TMA16: variants seen among roughly 807,000 people sequenced by gnomAD.
TMA16 encodes translation machinery-associated protein 16.
Under a neutral mutation model 27.1 loss-of-function variants are expected in TMA16, and 26 were observed. The ratio of observed to expected loss-of-function variants is 0.96; its 90% CI spans 0.70 to 1.33. TMA16 has a LOEUF of 1.33. Among genes scored for constraint, TMA16 ranks in the 40% most tolerant of loss-of-function variants. The pLI is 0.00. For missense variants in TMA16, 233 were observed against 241.4 expected, an observed-to-expected ratio of 0.97 and a Z score of 0.23; for synonymous variants, 71 against 81.9, an observed-to-expected ratio of 0.87 and a Z score of 0.72.
At chr4:163,498,789 A>G (rs1429641439) in intron 1 of TMA16, among the ~76,000 whole-genome samples, 1 of 152,132 alleles carries the variant, frequency 6.6e-6, no homozygotes, top group Non-Finnish European at 1.5e-5. Context: ...CCCAGTAGCC[A>G]AGATTACGGA....
intron 1 of TMA16, among the ~76,000 whole-genome samples, chr4:163,498,207 G>A (rs1405976395): frequency 6.6e-6 from 1 of 151,796 alleles, no homozygotes; most frequent in African/African-American, 2.4e-5. Flanking sequence ...CAATACTGCT[G>A]CATTGATTAT....
chr4:163,497,096 C>A (rs975589246), intron 1 of TMA16, among the ~76,000 whole-genome samples: 3 of 152,206 alleles, frequency 2.0e-5, no homozygotes, highest in Non-Finnish European at 2.9e-5. Flanking sequence ...AGTGTGCCAT[C>A]ATCCTCCGTG....
At chr4:163,513,974 G>C (rs762113006) in intron 3 of TMA16, 100 bp from the exon 4 acceptor site, 37 of 844,834 alleles carry the variant, frequency 4.4e-5, no homozygotes, top group Middle Eastern at 3.6e-4. Flanking sequence ...ATAAATTTTG[G>C]TTCTGTTTTA....
At chr4:163,504,234 A>G (rs968393992) in intron 1 of TMA16, among the ~76,000 whole-genome samples, 1 of 152,202 alleles carries the variant, frequency 6.6e-6, no homozygotes, top group African/African-American at 2.4e-5. Flanking sequence ...TTTTTTAATA[A>G]TGATATGTGG....
Position 163,520,119 on chromosome 4 carries a change from CTT to C in TMA16, c.*608_*609del. 3 of 477,902 alleles carry C rather than the reference CTT, an allele frequency of 6.3e-6. No individual in the cohort carries two copies. Among genetic ancestry groups the C allele is most frequent in the East Asian group, 4.0e-5 (1 of 24,996 alleles). 29.6% of individuals were successfully genotyped at this position (477,902 alleles called of 1,614,324 possible). Reference sequence around the variant, plus strand: ...TGTTGATCTCCCACAATTAATTTATCTTTTGACAAAGGGGATAAAGAGTTTCA... The same window carrying C: ...TGTTGATCTCCCACAATTAATTTATCTTGACAAAGGGGATAAAGAGTTTCA... On this transcript the variant is annotated 3_prime_UTR_variant, in exon 7 of 7. Transcript: ENST00000358572.
chr4:163,514,822 G>A (rs536535760), intron 4 of TMA16, among the ~76,000 whole-genome samples: 1 of 152,320 alleles, frequency 6.6e-6, no homozygotes, highest in East Asian at 1.9e-4. Context: ...CTCATAGCCT[G>A]ATAAAGAAGT....
intron 4 of TMA16, 66 bp from the exon 5 acceptor site, chr4:163,515,247 C>T: frequency 1.4e-6 from 2 of 1,449,354 alleles, no homozygotes; most frequent in Non-Finnish European, 9.2e-7. Context: ...CTAAGTTTTC[C>T]ATTAAGTAAT....
At position 163,517,274 on chromosome 4, in the gene TMA16, TAAAC is replaced by T. The variant is rs1737894686; in HGVS notation, c.389-159_389-156del. The stretch of plus-strand genomic sequence containing the variant: ...TAATAGGATTTTTCTTAAGTCATCT[TAAAC>T]TAACCCCTTTTGCAAATTTTTCATG... On this transcript the variant is annotated intron_variant, in intron 5 of 6. Coordinates refer to ENST00000358572, the MANE Select transcript of TMA16 (RefSeq NM_018352.3). The T allele has an allele frequency of 1.1e-5, 7 of 647,738 alleles. No homozygotes were observed. In the East Asian group the frequency reaches 1.7e-4, roughly 15 times the overall value. The allele number at this position is 647,738 out of a possible 1,614,324, so 40.1% of individuals were successfully genotyped here.
intron 3 of TMA16, among the ~76,000 whole-genome samples, chr4:163,513,619 A>G (rs1008667935): frequency 6.6e-6 from 1 of 152,170 alleles, no homozygotes; most frequent in African/African-American, 2.4e-5. Context: ...AACATCTCTC[A>G]TCTACAAATG....
chr4:163,515,193 C>G, intron 4 of TMA16, 120 bp from the exon 5 acceptor site: 1 of 1,038,440 alleles, frequency 9.6e-7, no homozygotes, highest in Non-Finnish European at 1.3e-6. Context: ...ACCTGAGGAA[C>G]TCAGAGAAAC....
intron 4 of TMA16, 61 bp from the exon 5 acceptor site, chr4:163,515,252 A>C: frequency 6.8e-7 from 1 of 1,475,892 alleles, no homozygotes; most frequent in Non-Finnish European, 9.0e-7. Flanking sequence ...TTTTCCATTA[A>C]GTAATGTAAG....
At position 163,507,112 on chromosome 4, in the gene TMA16, CGA is replaced by C. The variant is rs752368699; in HGVS notation, c.89_90del (p.Glu30GlyfsTer13). ...TATAGTAGAAAAGCAGCTCAAATTA[CGA>C]GAGAGGCCCACAAACAAGAAAAAAA... On this transcript the variant is annotated frameshift_variant, in exon 2 of 7. Coordinates refer to ENST00000358572, the MANE Select transcript of TMA16 (RefSeq NM_018352.3). LOFTEE classifies it high-confidence loss of function. 1.0e-5 allele frequency: 16 copies of C among 1,588,700 alleles called. No individual in the cohort carries two copies. In the East Asian group the frequency reaches 3.2e-4, roughly 31 times the overall value.
chr4:163,504,086 A>G (rs1471546565), intron 1 of TMA16, among the ~76,000 whole-genome samples: 1 of 152,204 alleles, frequency 6.6e-6, no homozygotes, highest in Non-Finnish European at 1.5e-5. Flanking sequence ...AAAGTTTTTG[A>G]GTCTTTAAAG....
chr4:163,506,777 T>G (rs1737723181), intron 1 of TMA16, among the ~76,000 whole-genome samples: 1 of 152,148 alleles, frequency 6.6e-6, no homozygotes, highest in Non-Finnish European at 1.5e-5. Flanking sequence ...AGAGCTGAGT[T>G]TATTGACTCC....
chr4:163,504,538 C>T (rs1352280589), intron 1 of TMA16, among the ~76,000 whole-genome samples: 1 of 152,146 alleles, frequency 6.6e-6, no homozygotes, highest in Admixed American at 6.5e-5. Flanking sequence ...GACCCTGTTG[C>T]CCAGGCTAGA....
chr4:163,496,048 T>C (rs989100588), intron 1 of TMA16, among the ~76,000 whole-genome samples: 1 of 152,262 alleles, frequency 6.6e-6, no homozygotes, highest in African/African-American at 2.4e-5. Flanking sequence ...TTTATCAGGC[T>C]GTATAGTAGA....
chr4:163,515,595 G>T, intron 5 of TMA16, 134 bp downstream of exon 5: 3 of 1,195,974 alleles, frequency 2.5e-6, no homozygotes, highest in South Asian at 1.8e-5. Context: ...TCTTTGTGAG[G>T]GTTTAGAAAA....
intron 2 of TMA16, among the ~76,000 whole-genome samples, chr4:163,511,659 T>TA (rs113693545): frequency 0.016 from 1,879 of 121,006 alleles, 30 homozygotes; most frequent in African/African-American, 0.045. Context: ...AAAATAAAAG[T>TA]AAAAAAAAAA....
chr4:163,507,636 G>A (rs1269128387), intron 2 of TMA16, among the ~76,000 whole-genome samples: 4 of 152,056 alleles, frequency 2.6e-5, no homozygotes, highest in Non-Finnish European at 4.4e-5. Flanking sequence ...ATTTCAAGCC[G>A]TGAGACTGGA....
Sources: gnomAD v4.1 joint callset for allele counts (sites outside exome capture counted in the v4.1 genomes callset) on GRCh38, gnomAD v4.1.1 for gene constraint, MANE v1.5 for transcripts, NCBI Gene and HGNC (gene_info 2026-07-23, HGNC 2026-07-21) for gene names.